GPR107: variants seen among roughly 807,000 people sequenced by gnomAD.
GPR107 encodes G protein-coupled receptor 107.
GPR107 carries 31 observed loss-of-function variants against 75.5 expected under a neutral mutation model. The ratio of observed to expected loss-of-function variants is 0.41; its 90% CI spans 0.31 to 0.55. GPR107 has a LOEUF of 0.55. Ranked by LOEUF, GPR107 falls within the 20% of genes least tolerant of loss-of-function variation. The pLI, the probability that GPR107 is intolerant of heterozygous loss-of-function variation, is 0.26. For synonymous variants in GPR107, 267 were observed against 251.3 expected, an observed-to-expected ratio of 1.06 and a Z score of -0.59; for missense variants, 572 against 665.7, an observed-to-expected ratio of 0.86 and a Z score of 1.55.
chr9:130,056,801 G>A (rs1454961322), intron 1 of GPR107, among the ~76,000 whole-genome samples: 2 of 150,498 alleles, frequency 1.3e-5, no homozygotes, highest in East Asian at 2.0e-4. Flanking sequence ...GGCAGGTGCC[G>A]GTGGTCTCAG....
At chr9:130,118,307 A>G (rs1269458403) in intron 14 of GPR107, among the ~76,000 whole-genome samples, 1 of 152,094 alleles carries the variant, frequency 6.6e-6, no homozygotes, top group Non-Finnish European at 1.5e-5. Flanking sequence ...TCCTCTTGGG[A>G]AGTCAGCTGG....
At chr9:130,054,905 C>G (rs1055683885) in intron 1 of GPR107, among the ~76,000 whole-genome samples, 6 of 152,074 alleles carry the variant, frequency 3.9e-5, no homozygotes, top group African/African-American at 1.4e-4. Context: ...GCTAAGGACC[C>G]CCTCCCCAAA....
intron 4 of GPR107, among the ~76,000 whole-genome samples, chr9:130,077,799 C>G (rs1449159487): frequency 1.3e-5 from 2 of 152,194 alleles, no homozygotes; most frequent in Admixed American, 6.6e-5. Flanking sequence ...GCCTCAGTGT[C>G]CTTACCTACT....
intron 14 of GPR107, chr9:130,110,355 A>G: frequency 1.3e-6 from 2 of 1,508,016 alleles, no homozygotes; most frequent in Non-Finnish European, 1.8e-6. Context: ...GCAGTTTCTC[A>G]TTTTTTTCCA....
intron 1 of GPR107, among the ~76,000 whole-genome samples, chr9:130,055,565 T>A (rs1421952719): frequency 6.6e-6 from 1 of 151,626 alleles, no homozygotes; most frequent in Admixed American, 6.6e-5. Context: ...TGTAGAAAGT[T>A]TGTCTTGTAA....
At chr9:130,111,388 G>A (rs1485275681) in intron 14 of GPR107, among the ~76,000 whole-genome samples, 3 of 151,940 alleles carry the variant, frequency 2.0e-5, no homozygotes, top group Non-Finnish European at 4.4e-5. Flanking sequence ...AAAAATTATC[G>A]GGGCTTGATG....
At position 130,136,672 on chromosome 9, in the gene GPR107, G is replaced by T. The variant is rs183901960; in HGVS notation, c.*1551G>T. The T allele has an allele frequency of 6.6e-6, 1 of 152,358 alleles. No individual in the cohort carries two copies. Among genetic ancestry groups the T allele is most frequent in the East Asian group, 1.9e-4 (1 of 5,186 alleles). The allele number at this position is 152,358 out of a possible 1,614,324, so 9.4% of individuals were successfully genotyped here. A position where few individuals can be genotyped will look rare whatever the true frequency, so the allele number is the denominator to read the frequency against. On this transcript the variant is annotated 3_prime_UTR_variant, in exon 18 of 18. Transcript: ENST00000347136. ...AAAAGTCTCCATTCAGAACATGGTT[G>T]TTCTCCCTGTCCCATGCTATCTTAT...
At chr9:130,117,902 A>C (rs1831464214) in intron 14 of GPR107, among the ~76,000 whole-genome samples, 1 of 152,188 alleles carries the variant, frequency 6.6e-6, no homozygotes, top group Admixed American at 6.5e-5. Context: ...CTCCTTAGAA[A>C]GGATTACTGC....
intron 9 of GPR107, among the ~76,000 whole-genome samples, chr9:130,097,430 C>T (rs1034058859): frequency 2.0e-5 from 3 of 151,960 alleles, no homozygotes; most frequent in Non-Finnish European, 2.9e-5. Flanking sequence ...GCTGGGACTA[C>T]AGGCATGAGC....
chr9:130,139,210 G>A lies in GPR107; in HGVS notation c.*4089G>A, dbSNP rs1418601088. The stretch of plus-strand genomic sequence containing the variant: ...AGTTAATGGCTTCCTCGCTATAGAA[G>A]TGAGACTTTGACTTGATGCCTCTTG... On this transcript the variant is annotated 3_prime_UTR_variant, in exon 18 of 18. Transcript: ENST00000347136. 1 of 152,194 alleles carries A rather than the reference G, an allele frequency of 6.6e-6. No homozygotes were observed. Among genetic ancestry groups the A allele is most frequent in the Non-Finnish European group, 1.5e-5 (1 of 68,046 alleles). The allele number at this position is 152,194 out of a possible 1,614,324, so 9.4% of individuals were successfully genotyped here. A position where few individuals can be genotyped will look rare whatever the true frequency, so the allele number is the denominator to read the frequency against.
Position 130,135,180 on chromosome 9 carries a change from A to G in GPR107, c.*59A>G, listed in dbSNP as rs782008472. ...AAACTGTTAACTTATTCATAGTCCT[A>G]TTGGACAGCAGGAGCAGCTCCTACA... On this transcript the variant is annotated 3_prime_UTR_variant, in exon 18 of 18. Coordinates refer to ENST00000347136, the MANE Select transcript of GPR107 (RefSeq NM_020960.5). 2.3e-6 allele frequency: 2 copies of G among 874,052 alleles called. No homozygotes were observed. Among genetic ancestry groups the G allele is most frequent in the East Asian group, 2.6e-5 (1 of 38,540 alleles). The allele number at this position is 874,052 out of a possible 1,614,324, so 54.1% of individuals were successfully genotyped here.
chr9:130,125,326 C>T (rs1194766720), intron 15 of GPR107, among the ~76,000 whole-genome samples: 1 of 151,514 alleles, frequency 6.6e-6, no homozygotes, highest in Non-Finnish European at 1.5e-5. Context: ...AGGTGATCCA[C>T]CCGCCTCGGC....
intron 1 of GPR107, among the ~76,000 whole-genome samples, chr9:130,071,774 C>A (rs1278444012): frequency 1.3e-5 from 2 of 152,130 alleles, no homozygotes; most frequent in Non-Finnish European, 2.9e-5. Flanking sequence ...ACCTCTGCCT[C>A]CCAGGTTCAG....
Position 130,138,530 on chromosome 9 carries a change from T to TCTCCTCCTCCTTCC in GPR107, c.*3420_*3433dup, listed in dbSNP as rs1554900327. 9 of 143,228 alleles carry TCTCCTCCTCCTTCC rather than the reference T, an allele frequency of 6.3e-5. No individual in the cohort carries two copies. Among genetic ancestry groups the TCTCCTCCTCCTTCC allele is most frequent in the Middle Eastern group, 3.4e-3 (1 of 296 alleles). 8.9% of individuals were successfully genotyped at this position (143,228 alleles called of 1,614,324 possible). On this transcript the variant is annotated 3_prime_UTR_variant, in exon 18 of 18. Transcript: ENST00000347136. Reference sequence around the variant, plus strand: ...GCTCCTCCTCCCTCCTCCACCTCTTTCTCCTCCTCCTTCCCTCCTCCTCCC... The same window carrying TCTCCTCCTCCTTCC: ...GCTCCTCCTCCCTCCTCCACCTCTTTCTCCTCCTCCTTCCCTCCTCCTCCTTCCCTCCTCCTCCC...
intron 7 of GPR107, among the ~76,000 whole-genome samples, chr9:130,089,732 T>G (rs1261178877): frequency 6.6e-6 from 1 of 152,238 alleles, no homozygotes; most frequent in African/African-American, 2.4e-5. Flanking sequence ...AGAAAAGTTT[T>G]CTTATTCTGG....
chr9:130,128,844 T>A, intron 17 of GPR107, 83 bp downstream of exon 17: 1 of 1,289,904 alleles, frequency 7.8e-7, no homozygotes, highest in Non-Finnish European at 1.1e-6. Flanking sequence ...GGTCGGCTGC[T>A]CTCAGCATTT....
intron 14 of GPR107, among the ~76,000 whole-genome samples, chr9:130,120,104 G>A (rs1831515406): frequency 4.6e-5 from 7 of 152,160 alleles, no homozygotes; most frequent in Admixed American, 4.6e-4. Flanking sequence ...CAGCCTGCTG[G>A]GTTTTGGAAA....
At chr9:130,073,818 C>T (rs556725184) in intron 1 of GPR107, among the ~76,000 whole-genome samples, 1 of 152,300 alleles carries the variant, frequency 6.6e-6, no homozygotes, top group Non-Finnish European at 1.5e-5. Context: ...TGCCATGGCA[C>T]GATCTCGGCT....
At chr9:130,062,414 G>A (rs1359786628) in intron 1 of GPR107, among the ~76,000 whole-genome samples, 9 of 104,436 alleles carry the variant, frequency 8.6e-5, no homozygotes, top group Non-Finnish European at 1.4e-4. Context: ...ACCCTGTCTC[G>A]AAAATGATAA....
Sources: gnomAD v4.1 joint callset for allele counts (sites outside exome capture counted in the v4.1 genomes callset) on GRCh38, gnomAD v4.1.1 for gene constraint, MANE v1.5 for transcripts, NCBI Gene and HGNC (gene_info 2026-07-23, HGNC 2026-07-21) for gene names.